ZFYVE9: variants seen among roughly 807,000 people sequenced by gnomAD.
ZFYVE9 encodes the protein zinc finger FYVE-type containing 9.
In ZFYVE9, 43 loss-of-function variants were observed where a neutral mutation model predicts 126.7. That is an observed-to-expected ratio of 0.34 (90% CI 0.27 to 0.44). The LOEUF (loss-of-function observed/expected upper bound fraction) is 0.44. Ranked by LOEUF, ZFYVE9 falls within the 20% of genes least tolerant of loss-of-function variation. The pLI is 1.00. For missense variants in ZFYVE9, 1,476 were observed against 1,697.0 expected (o/e 0.87, Z 2.29); for synonymous variants, 521 against 597.4 (o/e 0.87, Z 1.87).
intron 12 of ZFYVE9, among the ~76,000 whole-genome samples, chr1:52,302,953 T>C (rs1646049355): frequency 6.6e-6 from 1 of 151,752 alleles, no homozygotes; most frequent in African/African-American, 2.4e-5. Flanking sequence ...CTACTAAAAA[T>C]ACAAAAATTA....
intron 1 of ZFYVE9, among the ~76,000 whole-genome samples, chr1:52,156,599 T>A (rs576485670): frequency 6.6e-6 from 1 of 152,304 alleles, no homozygotes; most frequent in South Asian, 2.1e-4. Context: ...AGTATGCCAA[T>A]CCCATTTATA....
intron 12 of ZFYVE9, among the ~76,000 whole-genome samples, chr1:52,301,796 C>A (rs1646038209): frequency 6.6e-6 from 1 of 152,164 alleles, no homozygotes; most frequent in South Asian, 2.1e-4. Context: ...ACTCCAATTA[C>A]ATATATATCA....
intron 1 of ZFYVE9, among the ~76,000 whole-genome samples, chr1:52,187,583 T>C (rs1176768348): frequency 6.6e-6 from 1 of 152,198 alleles, no homozygotes; most frequent in African/African-American, 2.4e-5. Context: ...ATATCTAGCA[T>C]CTAAAAGGAG....
chr1:52,145,414 G>C (rs886762358), intron 1 of ZFYVE9, among the ~76,000 whole-genome samples: 1 of 152,182 alleles, frequency 6.6e-6, no homozygotes, highest in African/African-American at 2.4e-5. Flanking sequence ...CTGGATTTTA[G>C]CTTAAGTTCT....
intron 4 of ZFYVE9, among the ~76,000 whole-genome samples, chr1:52,241,784 C>T (rs1645336211): frequency 1.3e-5 from 2 of 151,942 alleles, no homozygotes; most frequent in African/African-American, 4.8e-5. Context: ...GGCTTATAAA[C>T]ATAGATACTA....
rs567990746 is a variant in ZFYVE9, at chr1:52,343,584, C to T, written c.3940-1184C>T. ...CAACCTGGCCAACATGGTGAAACCCCGTCTCTACTAAAAATATAAAAATTA... is the reference window on the plus strand; with the variant it reads ...CAACCTGGCCAACATGGTGAAACCCTGTCTCTACTAAAAATATAAAAATTA... On this transcript the variant is annotated intron_variant, in intron 17 of 18. Transcript: ENST00000287727. 1.1e-4 allele frequency among the ~76,000 whole-genome samples: 17 copies of T among 151,510 alleles called. No individual in the cohort carries two copies. The Middle Eastern group carries it at 0.01, about 93-fold the overall frequency.
In ZFYVE9 at chr1:52,302,847, C is replaced by T. The variant is rs144079654; in HGVS notation, c.3334-974C>T. Among the ~76,000 whole-genome samples, 684 of 151,876 alleles carry T rather than the reference C, an allele frequency of 4.5e-3. 4 individuals carry two copies. The highest frequency in any genetic ancestry group is 0.016 in the African/African-American group (644 of 41,324). Reference sequence around the variant, plus strand: ...CATCCTGGCCAGGTGCAGTGGCTCACGACTGTAATTGTAGCACTTTGAGAG... The same window carrying T: ...CATCCTGGCCAGGTGCAGTGGCTCATGACTGTAATTGTAGCACTTTGAGAG... On this transcript the variant is annotated intron_variant, in intron 12 of 18. Transcript: ENST00000287727.
chr1:52,153,956 A>AT (rs1408885807), intron 1 of ZFYVE9, among the ~76,000 whole-genome samples: 4 of 152,170 alleles, frequency 2.6e-5, no homozygotes, highest in Admixed American at 2.0e-4. Flanking sequence ...ATAGCACACC[A>AT]TTTTTGTCTC....
At chr1:52,282,590 T>C (rs887762292) in intron 10 of ZFYVE9, among the ~76,000 whole-genome samples, 1 of 152,238 alleles carries the variant, frequency 6.6e-6, no homozygotes, top group Non-Finnish European at 1.5e-5. Context: ...TATTTGATAA[T>C]ATTTCATACA....
chr1:52,201,374 A>ATTTTTTT (rs11344134), intron 1 of ZFYVE9, among the ~76,000 whole-genome samples: 8 of 91,274 alleles, frequency 8.8e-5, no homozygotes, highest in African/African-American at 2.5e-4. Context: ...GTTTTTGGTA[A>ATTTTTTT]TTTTTTTTTT....
chr1:52,287,019 A>G (rs1645868281), intron 10 of ZFYVE9, among the ~76,000 whole-genome samples: 1 of 152,052 alleles, frequency 6.6e-6, no homozygotes. Flanking sequence ...TTCTCCATGA[A>G]TTCTTTCTTG....
chr1:52,305,563 T>G (rs1569719870), intron 13 of ZFYVE9, among the ~76,000 whole-genome samples: 1 of 152,308 alleles, frequency 6.6e-6, no homozygotes, highest in South Asian at 2.1e-4. Flanking sequence ...CTGCCAGGGC[T>G]GCATACTCCG....
chr1:52,229,653 T>C (rs12079727), intron 2 of ZFYVE9, among the ~76,000 whole-genome samples: 5,573 of 152,278 alleles, frequency 0.037, 253 homozygotes, highest in African/African-American at 0.11. Flanking sequence ...TCAGGCTCTA[T>C]GTGAATCACC....
At chr1:52,293,980 A>C (rs1055232715) in intron 11 of ZFYVE9, among the ~76,000 whole-genome samples, 1 of 152,180 alleles carries the variant, frequency 6.6e-6, no homozygotes, top group African/African-American at 2.4e-5. Flanking sequence ...TCTGTATATG[A>C]TGAGCATATT....
chr1:52,281,799 A>T lies in ZFYVE9; in HGVS notation c.3008A>T (p.Tyr1003Phe). 6.2e-7 allele frequency: 1 copy of T among 1,614,180 alleles called. No individual in the cohort carries two copies. The highest frequency in any genetic ancestry group is 8.5e-7 in the Non-Finnish European group (1 of 1,180,022). Residue 1003 changes from tyrosine to phenylalanine, a missense_variant, in exon 10 of 19, where the codon TAT (tyrosine) becomes TTT (phenylalanine). Physicochemically the swap from Tyr to Phe is conservative, Grantham distance 22. Transcript: ENST00000287727. ...ATCTTTAATCACTTTGTGCAGCTTT[A>T]TCGGGATGCTCTGGCAGGTAGGAAT... ...KDIFNHFVQL[Y>F]RDALAGNVVS...
intron 12 of ZFYVE9, among the ~76,000 whole-genome samples, chr1:52,296,911 A>G (rs148158097): frequency 9.9e-5 from 15 of 152,260 alleles, no homozygotes; most frequent in African/African-American, 3.4e-4. Flanking sequence ...CCTCCGAGCA[A>G]TTCTCGTGCC....
chr1:52,213,775 C>T (rs960481886), intron 1 of ZFYVE9, among the ~76,000 whole-genome samples: 1 of 152,046 alleles, frequency 6.6e-6, no homozygotes, highest in Non-Finnish European at 1.5e-5. Flanking sequence ...TGAAAGGTTT[C>T]AGTAAATGGA....
At chr1:52,341,829 G>T (rs927034074) in intron 17 of ZFYVE9, among the ~76,000 whole-genome samples, 8 of 152,194 alleles carry the variant, frequency 5.3e-5, no homozygotes, top group African/African-American at 1.9e-4. Flanking sequence ...TTCATATGCA[G>T]CCAAGGGATT....
intron 1 of ZFYVE9, among the ~76,000 whole-genome samples, chr1:52,166,348 AC>A (rs1334789350): frequency 6.6e-6 from 1 of 152,186 alleles, no homozygotes; most frequent in Non-Finnish European, 1.5e-5. Flanking sequence ...GAGTCTGTGG[AC>A]TACAATTTGA....
Sources: allele counts gnomAD v4.1 joint callset (sites outside exome capture counted in the v4.1 genomes callset), GRCh38; gene constraint gnomAD v4.1.1; transcripts MANE v1.5; gene names NCBI Gene and HGNC (gene_info 2026-07-23, HGNC 2026-07-21).